METTL15: variants seen among roughly 807,000 people sequenced by gnomAD.
METTL15 encodes the protein 12S rRNA N(4)-cytidine methyltransferase METTL15.
Under a neutral mutation model 38.3 loss-of-function variants are expected in METTL15, and 34 were observed. The observed-to-expected ratio is 0.89, with a 90% CI of 0.68 to 1.18. METTL15 has a LOEUF of 1.18. METTL15 is among the 50% of genes most tolerant of loss of function. The pLI, the probability that METTL15 is intolerant of heterozygous loss-of-function variation, is 0.00. For synonymous variants in METTL15, 162 were observed against 170.9 expected (o/e 0.95, Z 0.41); for missense variants, 438 against 498.4 (o/e 0.88, Z 1.15).
intron 3 of METTL15, among the ~76,000 whole-genome samples, chr11:28,345,016 A>G (rs569071753): frequency 9.2e-5 from 14 of 152,242 alleles, no homozygotes; most frequent in African/African-American, 3.1e-4. Context: ...TCCAGTGTTT[A>G]TTTTACACTT....
intron 5 of METTL15, among the ~76,000 whole-genome samples, chr11:28,292,542 A>G (rs959254989): frequency 2.0e-5 from 3 of 152,138 alleles, no homozygotes; most frequent in African/African-American, 4.8e-5. Context: ...TCTTTATAGC[A>G]GCATGATTTA....
chr11:28,168,340 A>T (rs80137460), intron 3 of METTL15, among the ~76,000 whole-genome samples: 97 of 147,006 alleles, frequency 6.6e-4, no homozygotes, highest in Non-Finnish European at 1.2e-3. Flanking sequence ...ATTGAGAAAT[A>T]AAAAAAAAAA....
chr11:28,520,626 G>T (rs546095520), intron 6 of METTL15, among the ~76,000 whole-genome samples: 3 of 152,250 alleles, frequency 2.0e-5, no homozygotes, highest in East Asian at 3.9e-4. Context: ...TTGGTTTCAG[G>T]ATTATCTGGT....
chr11:28,361,004 A>G (rs1246125963), intron 4 of METTL15, among the ~76,000 whole-genome samples: 1 of 151,746 alleles, frequency 6.6e-6, no homozygotes, highest in African/African-American at 2.4e-5. Flanking sequence ...TTTTTTTATG[A>G]CTGCATAGTA....
chr11:28,305,207 T>A (rs1338106637), intron 6 of METTL15, among the ~76,000 whole-genome samples: 1 of 152,088 alleles, frequency 6.6e-6, no homozygotes, highest in Non-Finnish European at 1.5e-5. Flanking sequence ...GGGAATGGAA[T>A]GTGGAAAAAA....
At chr11:28,377,570 T>G (rs1290746015) in intron 5 of METTL15, among the ~76,000 whole-genome samples, 3 of 151,498 alleles carry the variant, frequency 2.0e-5, no homozygotes, top group African/African-American at 7.3e-5. Context: ...CTAAATTTTT[T>G]TCAAAGTTTT....
intron 5 of METTL15, among the ~76,000 whole-genome samples, chr11:28,383,439 G>A (rs1564914449): frequency 6.6e-6 from 1 of 152,118 alleles, no homozygotes; most frequent in Non-Finnish European, 1.5e-5. Flanking sequence ...ATGTGTTTGT[G>A]TCTTTTTGGT....
At chr11:28,369,937 C>G (rs1353003501) in intron 5 of METTL15, among the ~76,000 whole-genome samples, 1 of 152,094 alleles carries the variant, frequency 6.6e-6, no homozygotes, top group Admixed American at 6.6e-5. Context: ...AAATTTTATT[C>G]TCTCATTAAT....
At chr11:28,232,478 AT>A in intron 4 of METTL15, among the ~76,000 whole-genome samples, 1 of 151,804 alleles carries the variant, frequency 6.6e-6, no homozygotes, top group South Asian at 2.1e-4. Context: ...ATGCATAAAA[AT>A]TTTTTCTTTG....
chr11:28,235,568 A>T (rs1158403374), intron 4 of METTL15, among the ~76,000 whole-genome samples: 1 of 152,130 alleles, frequency 6.6e-6, no homozygotes, highest in African/African-American at 2.4e-5. Context: ...CTTTGAAGCA[A>T]TTGTGATTGG....
intron 6 of METTL15, among the ~76,000 whole-genome samples, chr11:28,440,907 G>A (rs1851028468): frequency 6.6e-6 from 1 of 152,168 alleles, no homozygotes; most frequent in African/African-American, 2.4e-5. Context: ...ACTACCCATA[G>A]GTGGCCATCA....
chr11:28,250,566 TA>T (rs35218897), intron 4 of METTL15, among the ~76,000 whole-genome samples: 40,307 of 151,472 alleles, frequency 0.27, 5,887 homozygotes, highest in African/African-American at 0.36. Context: ...CTCCTTTTTT[TA>T]AAAAAAAAAA....
Position 28,296,761 on chromosome 11 carries a change from A to T in METTL15, c.608A>T (p.Asp203Val). The T allele has an allele frequency of 6.2e-7, 1 of 1,613,140 alleles. No individual in the cohort carries two copies. Residue 203 changes from aspartate to valine, a missense_variant, in exon 6 of 7, where the codon GAC becomes GTC. By Grantham distance (152) the Asp-to-Val change is radical. Coordinates refer to ENST00000407364, the MANE Select transcript of METTL15 (RefSeq NM_001113528.2). ...DMRMDGGRYP[D>V]MPTAADVVNA... is the part of the protein sequence containing the mutation. ...GCTCTTCTTGTGCGTAGGTACCCTG[A>T]CATGCCCACTGCTGCTGATGTTGTG... is the stretch of plus-strand genomic sequence containing the variant.
chr11:28,507,306 A>C (rs1166968825), intron 6 of METTL15, among the ~76,000 whole-genome samples: 3 of 152,156 alleles, frequency 2.0e-5, no homozygotes, highest in Non-Finnish European at 2.9e-5. Context: ...CTGGAGAAGG[A>C]GGAAGAGAGA....
At chr11:28,133,264 C>A (rs538783410) in intron 3 of METTL15, among the ~76,000 whole-genome samples, 1 of 152,262 alleles carries the variant, frequency 6.6e-6, no homozygotes, top group South Asian at 2.1e-4. Flanking sequence ...GTAGAATCCT[C>A]TAAAGGGAGC....
chr11:28,120,816 A>C (rs368774700), intron 3 of METTL15, among the ~76,000 whole-genome samples: 13 of 152,260 alleles, frequency 8.5e-5, no homozygotes, highest in African/African-American at 3.1e-4. Flanking sequence ...GTTTCTCTGC[A>C]AAGTTATTCA....
At chr11:28,117,243 G>T (rs61888971) in intron 3 of METTL15, among the ~76,000 whole-genome samples, 1,928 of 31,348 alleles carry the variant, frequency 0.062, 21 homozygotes, top group African/African-American at 0.12. Context: ...GTATGTGTGT[G>T]TGTGTGTGTG....
intron 4 of METTL15, among the ~76,000 whole-genome samples, chr11:28,236,793 C>G (rs887691388): frequency 1.3e-5 from 2 of 152,054 alleles, no homozygotes; most frequent in Non-Finnish European, 2.9e-5. Context: ...TTAGGGCAGG[C>G]CTGGTGTTGA....
chr11:28,415,036 A>G (rs1320841339), intron 5 of METTL15, among the ~76,000 whole-genome samples: 1 of 152,194 alleles, frequency 6.6e-6, no homozygotes, highest in African/African-American at 2.4e-5. Flanking sequence ...CCTTATCTCT[A>G]CTATTGTGGA....
Sources: allele counts gnomAD v4.1 joint callset (sites outside exome capture counted in the v4.1 genomes callset), GRCh38; gene constraint gnomAD v4.1.1; transcripts MANE v1.5; gene names NCBI Gene and HGNC (gene_info 2026-07-23, HGNC 2026-07-21).